Variants in SLC4A4 observed in about 807,000 individuals in gnomAD.
SLC4A4 encodes electrogenic sodium bicarbonate cotransporter 1.
In SLC4A4, 27 loss-of-function variants were observed where a neutral mutation model predicts 111.5. The observed-to-expected ratio is 0.24, with a 90% confidence interval of 0.18 to 0.33. SLC4A4 has a LOEUF of 0.33. SLC4A4 is among the 10% of genes least tolerant of loss of function. SLC4A4 has a pLI of 1.00. For missense variants in SLC4A4, 909 were observed against 1,315.5 expected (o/e 0.69, Z 4.78); for synonymous variants, 443 against 463.4 (o/e 0.96, Z 0.57).
chr4:71,545,909 G>A (rs917765808), intron 18 of SLC4A4, among the ~76,000 whole-genome samples: 3 of 151,954 alleles, frequency 2.0e-5, no homozygotes, highest in Non-Finnish European at 2.9e-5. Flanking sequence ...CACTACTGCC[G>A]CTATCACCAT....
chr4:71,505,532 A>G (rs902164949), intron 16 of SLC4A4, among the ~76,000 whole-genome samples: 1 of 151,564 alleles, frequency 6.6e-6, no homozygotes, highest in East Asian at 1.9e-4. Flanking sequence ...TCCTCTGCCC[A>G]GTTTTTAATG....
At chr4:71,491,554 G>A (rs1454945101) in intron 15 of SLC4A4, among the ~76,000 whole-genome samples, 1 of 151,806 alleles carries the variant, frequency 6.6e-6, no homozygotes, top group Non-Finnish European at 1.5e-5. Context: ...TAGACTGAGT[G>A]TGGGTGTGTG....
chr4:71,168,509 T>A (rs1229359865), intron 2 of SLC4A4, among the ~76,000 whole-genome samples: 7 of 152,164 alleles, frequency 4.6e-5, no homozygotes, highest in Non-Finnish European at 8.8e-5. Flanking sequence ...TTAAATTATT[T>A]TTGACTATAG....
At chr4:71,260,692 A>G (rs1721793804) in intron 3 of SLC4A4, among the ~76,000 whole-genome samples, 1 of 152,202 alleles carries the variant, frequency 6.6e-6, no homozygotes, top group South Asian at 2.1e-4. Flanking sequence ...AAGGGAGCAT[A>G]TCAGAGTGGT....
rs1349792183 is a variant in SLC4A4 at position 71,421,116 on chromosome 4, G to A, written c.808-19500G>A. On this transcript the variant is annotated intron_variant, in intron 7 of 25. Transcript: ENST00000264485. Reference sequence around the variant, plus strand: ...ATCTCACGTGCAGAGACACACATAGGCTCAAAATAAAAGGATGGAGGAAGA... The same window carrying A: ...ATCTCACGTGCAGAGACACACATAGACTCAAAATAAAAGGATGGAGGAAGA... 1.1e-4 allele frequency among the ~76,000 whole-genome samples: 16 copies of A among 150,428 alleles called. No individual in the cohort carries two copies. The East Asian group carries it at 3.1e-3, about 29-fold the overall frequency.
chr4:71,344,168 C>G (rs1481549224), intron 4 of SLC4A4, among the ~76,000 whole-genome samples: 1 of 152,090 alleles, frequency 6.6e-6, no homozygotes, highest in African/African-American at 2.4e-5. Context: ...CCACTGTATT[C>G]CTAGTGCCTG....
At chr4:71,328,350 G>A (rs1056685493) in intron 3 of SLC4A4, among the ~76,000 whole-genome samples, 22 of 152,004 alleles carry the variant, frequency 1.4e-4, no homozygotes, top group Admixed American at 2.0e-4. Flanking sequence ...TATACCTAGC[G>A]GTGGGATTGC....
intron 15 of SLC4A4, among the ~76,000 whole-genome samples, chr4:71,492,071 T>C (rs1450597423): frequency 6.6e-6 from 1 of 151,778 alleles, no homozygotes; most frequent in Non-Finnish European, 1.5e-5. Flanking sequence ...GTCGTATTAA[T>C]ATTCTTGTGC....
intron 3 of SLC4A4, among the ~76,000 whole-genome samples, chr4:71,293,558 A>AC (rs1488204298): frequency 6.6e-6 from 1 of 152,054 alleles, no homozygotes; most frequent in African/African-American, 2.4e-5. Flanking sequence ...GTCTAAAAAA[A>AC]AAAAAAAATC....
intron 1 of SLC4A4, among the ~76,000 whole-genome samples, chr4:71,217,759 A>G (rs1027483749): frequency 6.6e-6 from 1 of 152,174 alleles, no homozygotes; most frequent in African/African-American, 2.4e-5. Context: ...GTGGCATCAT[A>G]TGTACTTAGC....
intron 12 of SLC4A4, among the ~76,000 whole-genome samples, chr4:71,459,204 A>G (rs1726578063): frequency 6.6e-6 from 1 of 152,050 alleles, no homozygotes; most frequent in East Asian, 1.9e-4. Flanking sequence ...TGATGATCAG[A>G]AAATGATAGT....
At chr4:71,209,657 A>C (rs1288936633) in intron 1 of SLC4A4, among the ~76,000 whole-genome samples, 2 of 152,148 alleles carry the variant, frequency 1.3e-5, no homozygotes, top group Non-Finnish European at 2.9e-5. Context: ...CAAATTGCTC[A>C]ATCTCTGATT....
intron 2 of SLC4A4, among the ~76,000 whole-genome samples, chr4:71,156,993 T>C (rs1744495595): frequency 6.6e-6 from 1 of 152,206 alleles, no homozygotes; most frequent in Non-Finnish European, 1.5e-5. Flanking sequence ...TGTTTCATGT[T>C]CGAGAAAGGA....
intron 22 of SLC4A4, among the ~76,000 whole-genome samples, chr4:71,559,166 CAT>C (rs1736737687): frequency 6.6e-6 from 1 of 151,842 alleles, no homozygotes. Flanking sequence ...AGGAAACTGT[CAT>C]ATAGAGAGCA....
At chr4:71,452,294 T>C (rs1162886240) in intron 11 of SLC4A4, among the ~76,000 whole-genome samples, 2 of 152,226 alleles carry the variant, frequency 1.3e-5, no homozygotes, top group Non-Finnish European at 2.9e-5. Flanking sequence ...TTTTTTTGAA[T>C]AGTTTTTTGT....
intron 6 of SLC4A4, among the ~76,000 whole-genome samples, chr4:71,361,196 G>A (rs535993783): frequency 2.0e-5 from 3 of 152,204 alleles, no homozygotes; most frequent in Non-Finnish European, 2.9e-5. Flanking sequence ...ACATACTCAC[G>A]CACGCACACG....
intron 7 of SLC4A4, among the ~76,000 whole-genome samples, chr4:71,419,120 G>A (rs1240286548): frequency 6.6e-6 from 1 of 152,238 alleles, no homozygotes; most frequent in Non-Finnish European, 1.5e-5. Context: ...GTGCCTCCCA[G>A]TTAGGCTGCT....
intron 16 of SLC4A4, among the ~76,000 whole-genome samples, chr4:71,512,747 C>G (rs1406238410): frequency 7.9e-5 from 12 of 152,110 alleles, no homozygotes; most frequent in Non-Finnish European, 2.9e-5. Context: ...GGTTTTCTTC[C>G]AGTATTTTTA....
chr4:71,546,607 G>A, intron 19 of SLC4A4, 79 bp downstream of exon 19: 3 of 1,210,770 alleles, frequency 2.5e-6, no homozygotes, highest in South Asian at 2.5e-5. Flanking sequence ...GATATGGGCA[G>A]ATTTGGAGGA....
Sources: gnomAD v4.1 joint callset for allele counts (sites outside exome capture counted in the v4.1 genomes callset) on GRCh38, gnomAD v4.1.1 for gene constraint, MANE v1.5 for transcripts, NCBI Gene and HGNC (gene_info 2026-07-23, HGNC 2026-07-21) for gene names.